RTN4: variants seen among roughly 807,000 people sequenced by gnomAD.
The protein encoded by RTN4 is reticulon 4, also known as reticulon-4.
RTN4 carries 32 observed loss-of-function variants against 90.4 expected under a neutral mutation model. The observed-to-expected ratio is 0.35, with a 90% CI of 0.27 to 0.48. RTN4 has a LOEUF of 0.48. RTN4 is among the 20% of genes least tolerant of loss of function. The pLI is 0.99. For missense variants in RTN4, 1,706 were observed against 1,430.2 expected (o/e 1.19, Z -3.11); for synonymous variants, 629 against 552.5 (o/e 1.14, Z -1.94).
At chr2:55,124,315 T>A in the RTN4 span, among the ~76,000 whole-genome samples, 4,814 of 152,298 alleles carry the variant, frequency 0.032, 246 homozygotes, top group African/African-American at 0.1. Flanking sequence ...TCCTGGTTTG[T>A]TACCTAGAAG....
At position 55,026,223 on chromosome 2, in the gene RTN4, T is replaced by C; in HGVS notation, c.1876A>G (p.Ser626Gly). ...GGCTGTATCACGGAAGCACCAGCAC[T>C]AGGAACTGCAGAATTCAATGGTGCT... ...MEAPLNSAVP[S>G]AGASVIQPSS... Residue 626 changes from serine (S) to glycine (G), a missense_variant, in exon 3 of 9, where the codon AGT becomes GGT. Transcript: ENST00000337526. The C allele has an allele frequency of 6.2e-7, 1 of 1,613,794 alleles. No individual in the cohort carries two copies. Among genetic ancestry groups the C allele is most frequent in the Non-Finnish European group, 8.5e-7 (1 of 1,179,878 alleles).
chr2:55,037,721 C>A (rs1260816529), intron 1 of RTN4, among the ~76,000 whole-genome samples: 1 of 152,146 alleles, frequency 6.6e-6, no homozygotes, highest in Admixed American at 6.5e-5. Flanking sequence ...CGTCACTTAT[C>A]CCCCCTACTA....
chr2:55,129,872 TA>T, the RTN4 span, among the ~76,000 whole-genome samples: 1 of 151,710 alleles, frequency 6.6e-6, no homozygotes, highest in South Asian at 2.1e-4. Flanking sequence ...ACTCGTCTTT[TA>T]AAAAAAGAAA....
the RTN4 span, among the ~76,000 whole-genome samples, chr2:55,118,342 G>A: frequency 6.6e-6 from 1 of 152,100 alleles, no homozygotes; most frequent in Admixed American, 6.6e-5. Context: ...GTGTGCCCCT[G>A]TAATTCCAGC....
At chr2:55,091,758 G>A (rs181695525) in intron 1 of RTN4, among the ~76,000 whole-genome samples, 4 of 152,314 alleles carry the variant, frequency 2.6e-5, no homozygotes, top group Non-Finnish European at 5.9e-5. Context: ...AAGAGGTTTA[G>A]TTGGACTTAC....
chr2:54,999,557 G>T (rs1679703130), intron 3 of RTN4, among the ~76,000 whole-genome samples: 1 of 152,098 alleles, frequency 6.6e-6, no homozygotes, highest in Non-Finnish European at 1.5e-5. Flanking sequence ...TGAAGCAAAA[G>T]CAAATATTAA....
In RTN4 at chr2:55,023,327, T is replaced by C. The variant is rs77353400; in HGVS notation, c.3013+1759A>G. ...AACCTTGATTAGGCTCCTAATACAA[T>C]GCCTTTGGTTTCCCTAGTCAGAGGT... On this transcript the variant is annotated intron_variant, in intron 3 of 8. Coordinates refer to ENST00000337526, the MANE Select transcript of RTN4 (RefSeq NM_020532.5). Among the ~76,000 whole-genome samples the C allele has an allele frequency of 2.5e-3, 377 of 152,292 alleles. 4 individuals carry two copies. Among genetic ancestry groups the C allele is most frequent in the Non-Finnish European group, 3.5e-3 (235 of 68,010 alleles).
chr2:55,111,411 C>T lies in RTN4; in HGVS notation c.-214+1109G>A, dbSNP rs139030460. ...GCAACTGTGGAAAGCAGATTCTCATCCCATAGTGAGATAATAAATAAAGTC... is the reference window on the plus strand; with the variant it reads ...GCAACTGTGGAAAGCAGATTCTCATTCCATAGTGAGATAATAAATAAAGTC... On this transcript the variant is annotated intron_variant, in intron 1 of 3. Transcript: ENST00000427710. Among the ~76,000 whole-genome samples, 116 of 152,340 alleles carry T rather than the reference C, an allele frequency of 7.6e-4. No individual in the cohort carries two copies. In the East Asian group the frequency reaches 0.019, roughly 26 times the overall value.
the RTN4 span, among the ~76,000 whole-genome samples, chr2:55,127,590 G>A: frequency 2.0e-5 from 3 of 152,238 alleles, no homozygotes; most frequent in Non-Finnish European, 4.4e-5. Context: ...CATTCATCAC[G>A]TCATCCATCC....
intron 1 of RTN4, among the ~76,000 whole-genome samples, chr2:55,042,892 C>A (rs886252809): frequency 1.3e-5 from 2 of 152,104 alleles, no homozygotes; most frequent in African/African-American, 4.8e-5. Flanking sequence ...AAATCAGTAA[C>A]CATACCATTA....
chr2:55,102,733 A>C (rs1326839059), intron 1 of RTN4, among the ~76,000 whole-genome samples: 1 of 152,112 alleles, frequency 6.6e-6, no homozygotes, highest in Non-Finnish European at 1.5e-5. Flanking sequence ...AGATTTATAA[A>C]ACAAAACTCT....
At chr2:55,126,751 A>C in the RTN4 span, among the ~76,000 whole-genome samples, 1 of 152,238 alleles carries the variant, frequency 6.6e-6, no homozygotes, top group African/African-American at 2.4e-5. Flanking sequence ...CACTGTTCAC[A>C]ATAGCAAAGA....
intron 1 of RTN4, among the ~76,000 whole-genome samples, chr2:55,093,630 C>T (rs1187385960): frequency 1.3e-5 from 2 of 152,038 alleles, no homozygotes; most frequent in African/African-American, 4.8e-5. Context: ...AGGGTACCAA[C>T]ACCTCTCCCT....
rs200209057 is a variant in RTN4, at chr2:55,026,248, T to C, written c.1851A>G (p.Glu617=). The change falls in exon 3 of 9, where the codon GAA becomes GAG. Residue 617 remains glutamate (E), a synonymous_variant. Coordinates refer to ENST00000337526, the MANE Select transcript of RTN4 (RefSeq NM_020532.5). ...PSPVLPDIVM[E]APLNSAVPSA... ...TAGGAACTGCAGAATTCAATGGTGC[T>C]TCCATAACAATGTCAGGCAAAACTG... 1.2e-6 allele frequency: 2 copies of C among 1,613,888 alleles called. No individual in the cohort carries two copies. Among genetic ancestry groups the C allele is most frequent in the Non-Finnish European group, 1.7e-6 (2 of 1,179,894 alleles).
intron 1 of RTN4, among the ~76,000 whole-genome samples, chr2:55,086,785 C>T (rs1668847697): frequency 6.6e-6 from 1 of 151,824 alleles, no homozygotes; most frequent in South Asian, 2.1e-4. Flanking sequence ...ATCCAGATAT[C>T]TTTCACTGTC....
intron 2 of RTN4, among the ~76,000 whole-genome samples, chr2:55,073,237 G>T (rs1668545833): frequency 6.6e-6 from 1 of 152,294 alleles, no homozygotes; most frequent in South Asian, 2.1e-4. Context: ...GCCTGCTGGG[G>T]ATAACCTTTA....
At position 55,027,242 on chromosome 2, in the gene RTN4, T is replaced by A; in HGVS notation, c.857A>T (p.Asp286Val). 1.2e-6 allele frequency: 2 copies of A among 1,613,806 alleles called. No homozygotes were observed. The highest frequency in any genetic ancestry group is 1.7e-6 in the Non-Finnish European group (2 of 1,179,830). Residue 286 changes from aspartate to valine, a missense_variant, in exon 3 of 9, where the codon GAT becomes GTT. By Grantham distance (152) the Asp-to-Val change is radical. Coordinates refer to ENST00000337526, the MANE Select transcript of RTN4 (RefSeq NM_020532.5). ...VSEKAKTLLI[D>V]RDLTEFSELE... The stretch of plus-strand genomic sequence containing the variant: ...TTCTGAAAACTCTGTTAAATCTCTA[T>A]CTATGAGTAGAGTTTTTGCCTTCTC...
intron 2 of RTN4, among the ~76,000 whole-genome samples, chr2:55,061,939 A>C (rs1374136441): frequency 6.6e-6 from 1 of 152,122 alleles, no homozygotes; most frequent in Non-Finnish European, 1.5e-5. Flanking sequence ...CAAGGCAAAC[A>C]CACAAAAACG....
intron 1 of RTN4, among the ~76,000 whole-genome samples, chr2:55,097,601 G>A (rs1168252340): frequency 6.6e-6 from 1 of 152,108 alleles, no homozygotes; most frequent in African/African-American, 2.4e-5. Context: ...GCCTCGAAGA[G>A]GCAGACTGTC....
Sources: gnomAD v4.1 joint callset for allele counts (sites outside exome capture counted in the v4.1 genomes callset) on GRCh38, gnomAD v4.1.1 for gene constraint, MANE v1.5 for transcripts, NCBI Gene and HGNC (gene_info 2026-07-23, HGNC 2026-07-21) for gene names.